The following SSH1 variants were observed in gnomAD, a reference collection of about 807,000 sequenced individuals.
The protein encoded by SSH1 is slingshot protein phosphatase 1.
In SSH1, 43 loss-of-function variants were observed where a neutral mutation model predicts 79.7. The ratio of observed to expected loss-of-function variants is 0.54; its 90% CI spans 0.42 to 0.70. The LOEUF is 0.70. Among genes scored for constraint, SSH1 ranks in the 30% least tolerant of loss-of-function variants. The pLI, the probability that SSH1 is intolerant of heterozygous loss-of-function variation, is 0.00. For missense variants in SSH1, 1,206 were observed against 1,358.8 expected, an observed-to-expected ratio of 0.89 and a Z score of 1.77; for synonymous variants, 599 against 538.3, an observed-to-expected ratio of 1.11 and a Z score of -1.56.
At chr12:108,792,875 C>T (rs1217204867) in intron 13 of SSH1, 46 bp from the exon 14 acceptor site, 1 of 1,610,030 alleles carries the variant, frequency 6.2e-7, no homozygotes. Context: ...GAGGATGGTG[C>T]CTGGGGGTGC....
At chr12:108,839,823 C>T (rs1267589833) in intron 2 of SSH1, among the ~76,000 whole-genome samples, 1 of 152,134 alleles carries the variant, frequency 6.6e-6, no homozygotes, top group African/African-American at 2.4e-5. Context: ...ACTTGGTTAA[C>T]ATTGGTCTTT....
At chr12:108,856,125 G>A (rs1015244560) in intron 1 of SSH1, among the ~76,000 whole-genome samples, 1 of 152,206 alleles carries the variant, frequency 6.6e-6, no homozygotes, top group Non-Finnish European at 1.5e-5. Flanking sequence ...CCGCAGGGCC[G>A]CTCCTCCAGT....
At chr12:108,824,236 G>A (rs2038230023) in intron 2 of SSH1, among the ~76,000 whole-genome samples, 1 of 152,164 alleles carries the variant, frequency 6.6e-6, no homozygotes, top group Non-Finnish European at 1.5e-5. Flanking sequence ...TTGAGGTCAG[G>A]AGTTCGAGAC....
intron 8 of SSH1, among the ~76,000 whole-genome samples, chr12:108,806,760 C>T (rs2037298182): frequency 6.6e-6 from 1 of 152,236 alleles, no homozygotes; most frequent in East Asian, 1.9e-4. Context: ...TCTGAGGCAG[C>T]CCGGCCCAGC....
At chr12:108,819,400 G>A (rs1355757144) in intron 3 of SSH1, among the ~76,000 whole-genome samples, 4 of 152,222 alleles carry the variant, frequency 2.6e-5, no homozygotes, top group African/African-American at 9.7e-5. Context: ...ACACTTTCAC[G>A]GAGGGGAAAG....
rs2037476604 is a variant in SSH1 at position 108,809,676 on chromosome 12, C to T, written c.536+17G>A. ...AAATATTTCTAGGGAGTTAAAAGTC[C>T]CTAAAACCACACTTACCACATGGCC... On this transcript the variant is annotated intron_variant, in intron 7 of 14. Transcript: ENST00000326495. 6.2e-7 allele frequency: 1 copy of T among 1,611,218 alleles called. No individual in the cohort carries two copies. The highest frequency in any genetic ancestry group is 8.5e-7 in the Non-Finnish European group (1 of 1,177,524).
intron 5 of SSH1, 36 bp downstream of exon 5, chr12:108,817,002 C>T: frequency 6.2e-7 from 1 of 1,612,806 alleles, no homozygotes; most frequent in South Asian, 1.1e-5. Context: ...CTCTTGCCTC[C>T]CTCACAGAAG....
chr12:108,844,106 C>T lies in SSH1; in HGVS notation c.110+8532G>A, dbSNP rs534855266. Among the ~76,000 whole-genome samples, 11 of 152,140 alleles carry T rather than the reference C, an allele frequency of 7.2e-5. No individual in the cohort carries two copies. The South Asian group carries it at 2.3e-3, about 32-fold the overall frequency. On this transcript the variant is annotated intron_variant, in intron 2 of 14. Coordinates refer to ENST00000326495, the MANE Select transcript of SSH1 (RefSeq NM_018984.4). ...TGTCTACTATGGGAGAAGGGGTTCG[C>T]ATCATGAGCACATTTAATTCTGACA... is the stretch of plus-strand genomic sequence containing the variant.
intron 12 of SSH1, among the ~76,000 whole-genome samples, chr12:108,800,018 CCT>C (rs1593028073): frequency 6.6e-6 from 1 of 152,180 alleles, no homozygotes; most frequent in Non-Finnish European, 1.5e-5. Context: ...GTTTTTTCCC[CCT>C]AACTGCTGGT....
chr12:108,843,358 G>A (rs1424989996), intron 2 of SSH1, among the ~76,000 whole-genome samples: 2 of 152,134 alleles, frequency 1.3e-5, no homozygotes, highest in African/African-American at 4.8e-5. Flanking sequence ...AAGACCTCTA[G>A]GGCCTATCCA....
chr12:108,831,649 C>T (rs1375122192), intron 2 of SSH1, among the ~76,000 whole-genome samples: 1 of 151,916 alleles, frequency 6.6e-6, no homozygotes, highest in Non-Finnish European at 1.5e-5. Flanking sequence ...ATGAAGCCTG[C>T]GAGGCCCTGA....
In SSH1 at chr12:108,799,831, T is replaced by A. The variant is rs867914444; in HGVS notation, c.1149-631A>T. Among the ~76,000 whole-genome samples, 33 of 152,250 alleles carry A rather than the reference T, an allele frequency of 2.2e-4. No homozygotes were observed. The Middle Eastern group carries it at 0.01, about 47-fold the overall frequency. On this transcript the variant is annotated intron_variant, in intron 12 of 14. Coordinates refer to ENST00000326495, the MANE Select transcript of SSH1 (RefSeq NM_018984.4). ...CCAGGCCTGGCTGATTTACCAGATA[T>A]GGCCCAGGAGACAGTGTTTCTTTAA...
At chr12:108,817,217 C>T (rs745503804) in intron 4 of SSH1, 58 bp from the exon 5 acceptor site, 1 of 1,605,644 alleles carries the variant, frequency 6.2e-7, no homozygotes, top group Admixed American at 1.7e-5. Flanking sequence ...GCCTCCCTCC[C>T]ATCTCCAATG....
In SSH1 at chr12:108,783,899, G is replaced by A. The variant is rs2036198736; in HGVS notation, c.*4089C>T. On this transcript the variant is annotated 3_prime_UTR_variant, in exon 15 of 15. Coordinates refer to ENST00000326495, the MANE Select transcript of SSH1 (RefSeq NM_018984.4). ...TAGTGGGACCAAGACAAGTGAGCCTGCTCTGTGCTAGCCAGGTGTCACCAA... is the reference window on the plus strand; with the variant it reads ...TAGTGGGACCAAGACAAGTGAGCCTACTCTGTGCTAGCCAGGTGTCACCAA... The A allele has an allele frequency of 6.6e-6, 1 of 152,298 alleles. No individual in the cohort carries two copies. Among genetic ancestry groups the A allele is most frequent in the Non-Finnish European group, 1.5e-5 (1 of 68,102 alleles). The allele number at this position is 152,298 out of a possible 1,614,324, so 9.4% of individuals were successfully genotyped here. A position where few individuals can be genotyped will look rare whatever the true frequency, so the allele number is the denominator to read the frequency against.
At chr12:108,805,764 A>G (rs924035358) in intron 9 of SSH1, among the ~76,000 whole-genome samples, 3 of 152,188 alleles carry the variant, frequency 2.0e-5, no homozygotes, top group Admixed American at 2.0e-4. Context: ...CATCCAGTTG[A>G]ATCTCTCATT....
intron 2 of SSH1, among the ~76,000 whole-genome samples, chr12:108,842,163 T>C (rs908792818): frequency 3.3e-5 from 5 of 151,998 alleles, no homozygotes; most frequent in African/African-American, 9.7e-5. Context: ...GGAAAAAAAA[T>C]TGAAGGCAAA....
At chr12:108,840,082 G>C (rs2038739056) in intron 2 of SSH1, among the ~76,000 whole-genome samples, 2 of 152,202 alleles carry the variant, frequency 1.3e-5, no homozygotes, top group Non-Finnish European at 2.9e-5. Context: ...TTATGCGGCA[G>C]TCTCTTGTAT....
Position 108,788,157 on chromosome 12 carries a change from C to T in SSH1, c.2981G>A (p.Ser994Asn). The change falls in exon 15 of 15, where the codon AGT becomes AAT. Residue 994 changes from serine (S) to asparagine (N), a missense_variant. By Grantham distance (46) the Ser-to-Asn change is conservative. Around this residue, in one of 5 missense-constraint regions of SSH1, gnomAD observed 709 missense variants for 730.6 expected, o/e 0.97. Coordinates refer to ENST00000326495, the MANE Select transcript of SSH1 (RefSeq NM_018984.4). ...SLTFSTEDLSSEADPSTVADS... is the reference protein window; with the variant it reads ...SLTFSTEDLSNEADPSTVADS... ...AGCGACGGTGGACGGGTCAGCCTCA[C>T]TGGACAGGTCTTCCGTTGAGAAGGT... 3 of 1,614,026 alleles carry T rather than the reference C, an allele frequency of 1.9e-6. No individual in the cohort carries two copies. The highest frequency in any genetic ancestry group is 4.5e-5 in the East Asian group (2 of 44,864).
chr12:108,810,212 C>T (rs2137099907), intron 6 of SSH1, among the ~76,000 whole-genome samples: 1 of 151,066 alleles, frequency 6.6e-6, no homozygotes, highest in Non-Finnish European at 1.5e-5. Context: ...ATATAAAATA[C>T]TAATATAAAA....
Sources: gnomAD v4.1 joint callset for allele counts (sites outside exome capture counted in the v4.1 genomes callset) on GRCh38, gnomAD v4.1.1 for gene constraint, gnomAD v4.1.1 regional missense constraint, MANE v1.5 for transcripts, NCBI Gene and HGNC (gene_info 2026-07-23, HGNC 2026-07-21) for gene names.